BCAS3: variants seen among roughly 807,000 people sequenced by gnomAD.
The protein encoded by BCAS3 is BCAS3 microtubule associated cell migration factor, also known as BCAS4/BCAS3 fusion.
BCAS3 carries 53 observed loss-of-function variants against 116.1 expected under a neutral mutation model. The observed-to-expected ratio is 0.46, with a 90% confidence interval of 0.37 to 0.57. The LOEUF is 0.57. BCAS3 is among the 20% of genes least tolerant of loss of function. The pLI, the probability that BCAS3 is intolerant of heterozygous loss-of-function variation, is 0.00. For synonymous variants in BCAS3, 391 were observed against 408.2 expected (o/e 0.96, Z 0.51); for missense variants, 917 against 1,165.4 (o/e 0.79, Z 3.10).
At chr17:61,053,003 C>T (rs1449666299) in intron 19 of BCAS3, among the ~76,000 whole-genome samples, 1 of 152,056 alleles carries the variant, frequency 6.6e-6, no homozygotes, top group Non-Finnish European at 1.5e-5. Context: ...AGGAGTGAGC[C>T]ACCACGCCTG....
At chr17:60,802,767 G>A (rs1056924757) in intron 6 of BCAS3, among the ~76,000 whole-genome samples, 1 of 152,000 alleles carries the variant, frequency 6.6e-6, no homozygotes, top group Non-Finnish European at 1.5e-5. Flanking sequence ...TCAGCCTCCC[G>A]AGTGGCTGGA....
In BCAS3 at chr17:61,362,863, T is replaced by G. The variant is rs2143460551; in HGVS notation, c.2426-5464T>G. The G allele has an allele frequency of 6.6e-6, 1 of 152,326 alleles. No homozygotes were observed. Among genetic ancestry groups the G allele is most frequent in the East Asian group, 1.9e-4 (1 of 5,184 alleles). 9.4% of individuals were successfully genotyped at this position (152,326 alleles called of 1,614,324 possible). ...AATTGTGACATTGTTTTCTGCTCAC[T>G]TATCTTCTTCTTCCTTCCTCTCTTT... On this transcript the variant is annotated intron_variant, in intron 22 of 23. Transcript: ENST00000407086. This position sits in a 1 kb window ranked among gnomAD's most constrained non-coding sequence, Gnocchi z 4.4.
chr17:61,216,866 A>G (rs1480387734), intron 22 of BCAS3, among the ~76,000 whole-genome samples: 1 of 151,998 alleles, frequency 6.6e-6, no homozygotes, highest in Admixed American at 6.6e-5. Context: ...ATGTGACATG[A>G]GATGATTTTC....
Position 61,007,294 on chromosome 17 carries a change from C to CAAGG in BCAS3, c.1487-8457_1487-8456insAAGG. 6.6e-6 allele frequency among the ~76,000 whole-genome samples: 1 copy of CAAGG among 151,872 alleles called. No homozygotes were observed. Among genetic ancestry groups the CAAGG allele is most frequent in the East Asian group, 1.9e-4 (1 of 5,184 alleles). On this transcript the variant is annotated intron_variant, in intron 15 of 23. Coordinates refer to ENST00000407086, the MANE Select transcript of BCAS3 (RefSeq NM_017679.5). The surrounding 1 kb of genome is among the most constrained non-coding windows in gnomAD (Gnocchi z 4.3). Reference sequence around the variant, plus strand: ...GTTTTCAATATTCCTTGTTCTAGGCCCACCTTGTTACCTTTTGGAGTTGTG... The same window carrying CAAGG: ...GTTTTCAATATTCCTTGTTCTAGGCCAAGGCACCTTGTTACCTTTTGGAGTTGTG...
intron 23 of BCAS3, chr17:61,384,526 G>C (rs1037746103): frequency 6.6e-6 from 1 of 152,232 alleles, no homozygotes; most frequent in Admixed American, 6.5e-5. Context: ...CAGAACTGAG[G>C]CCAGAGTGAA....
chr17:60,805,793 C>T (rs1246019023), intron 6 of BCAS3, among the ~76,000 whole-genome samples: 2 of 150,834 alleles, frequency 1.3e-5, no homozygotes, highest in African/African-American at 2.4e-5. Flanking sequence ...TGCCATGGCA[C>T]TCCAGCCTGG....
intron 6 of BCAS3, among the ~76,000 whole-genome samples, chr17:60,785,778 A>C (rs1010381018): frequency 6.6e-6 from 1 of 152,228 alleles, no homozygotes; most frequent in African/African-American, 2.4e-5. Context: ...ATTTAACAGC[A>C]GTCAGCTCTC....
chr17:60,721,876 T>C (rs74719234), intron 5 of BCAS3, among the ~76,000 whole-genome samples: 5,264 of 152,246 alleles, frequency 0.035, 247 homozygotes, highest in African/African-American at 0.1. Context: ...CACCTCCAAG[T>C]AACCATTATT....
intron 5 of BCAS3, among the ~76,000 whole-genome samples, chr17:60,737,795 A>T (rs183025693): frequency 0.012 from 1,776 of 150,724 alleles, 36 homozygotes; most frequent in African/African-American, 0.037. Flanking sequence ...TATTATTATT[A>T]TTTTTTTTGA....
chr17:60,685,876 A>AT (rs879421285), intron 3 of BCAS3, among the ~76,000 whole-genome samples: 144 of 146,086 alleles, frequency 9.9e-4, no homozygotes, highest in South Asian at 2.2e-3. Context: ...TATATTAGAC[A>AT]TTTTTTTTTT....
chr17:61,120,004 TAAC>T (rs1371150763), intron 22 of BCAS3, among the ~76,000 whole-genome samples: 2 of 152,082 alleles, frequency 1.3e-5, no homozygotes, highest in East Asian at 3.8e-4. Flanking sequence ...TTACATGAAT[TAAC>T]AATATATCAT....
At chr17:61,254,733 C>T (rs981589035) in intron 22 of BCAS3, among the ~76,000 whole-genome samples, 25 of 138,734 alleles carry the variant, frequency 1.8e-4, no homozygotes, top group South Asian at 2.2e-4. Flanking sequence ...GCCGAGATTG[C>T]GCCACTGCAC....
chr17:60,954,012 G>T (rs2060990103), intron 14 of BCAS3, among the ~76,000 whole-genome samples: 1 of 152,178 alleles, frequency 6.6e-6, no homozygotes, highest in Admixed American at 6.5e-5. Flanking sequence ...GGGATTACAG[G>T]CGTGAGCCAC....
At chr17:61,247,663 A>G (rs944867117) in intron 22 of BCAS3, among the ~76,000 whole-genome samples, 1 of 152,186 alleles carries the variant, frequency 6.6e-6, no homozygotes, top group Admixed American at 6.5e-5. Flanking sequence ...TCTTGACTAC[A>G]GCAGATGTTT....
At position 61,347,213 on chromosome 17, in the gene BCAS3, C is replaced by G. The variant is rs1463377936; in HGVS notation, c.2426-21114C>G. On this transcript the variant is annotated intron_variant, in intron 22 of 23. Coordinates refer to ENST00000407086, the MANE Select transcript of BCAS3 (RefSeq NM_017679.5). This position sits in a 1 kb window ranked among gnomAD's most constrained non-coding sequence, Gnocchi z 4.3. Reference sequence around the variant, plus strand: ...CCTCCCGCCTCAGCCTCCCGAGTAGCTGGGATTACAGGCATGCACCACCAC... The same window carrying G: ...CCTCCCGCCTCAGCCTCCCGAGTAGGTGGGATTACAGGCATGCACCACCAC... Among the ~76,000 whole-genome samples the G allele has an allele frequency of 6.6e-6, 1 of 152,146 alleles. No individual in the cohort carries two copies. Among genetic ancestry groups the G allele is most frequent in the Non-Finnish European group, 1.5e-5 (1 of 68,024 alleles).
chr17:60,877,336 C>T (rs1169151173), intron 9 of BCAS3, among the ~76,000 whole-genome samples: 3 of 152,078 alleles, frequency 2.0e-5, no homozygotes, highest in Non-Finnish European at 4.4e-5. Flanking sequence ...GTATCTCTCT[C>T]GTATCTGCAG....
chr17:60,829,041 C>T (rs1006924350), intron 7 of BCAS3, among the ~76,000 whole-genome samples: 7 of 152,092 alleles, frequency 4.6e-5, no homozygotes, highest in African/African-American at 1.7e-4. Flanking sequence ...CTCATAATAT[C>T]GATAGGGTCA....
intron 22 of BCAS3, among the ~76,000 whole-genome samples, chr17:61,301,750 A>G (rs138717402): frequency 0.011 from 1,633 of 152,358 alleles, 38 homozygotes; most frequent in African/African-American, 0.037. Flanking sequence ...TAACAAAAAC[A>G]TAGGAGTGAT....
In BCAS3 at chr17:61,136,493, TAGC is replaced by T. The variant is rs1443256617; in HGVS notation, c.2425+51934_2425+51936del. On this transcript the variant is annotated intron_variant, in intron 22 of 23. Coordinates refer to ENST00000407086, the MANE Select transcript of BCAS3 (RefSeq NM_017679.5). This position sits in a 1 kb window ranked among gnomAD's most constrained non-coding sequence, Gnocchi z 4.4. The stretch of plus-strand genomic sequence containing the variant: ...GAACCCCTGGCCTCTACCCGTTAGA[TAGC>T]AGCACGCCCCCTTCCCTCAGATGCC... 2.0e-5 allele frequency among the ~76,000 whole-genome samples: 3 copies of T among 152,208 alleles called. No individual in the cohort carries two copies. The highest frequency in any genetic ancestry group is 1.3e-4 in the Admixed American group (2 of 15,282).
Sources: gnomAD v4.1 joint callset for allele counts (sites outside exome capture counted in the v4.1 genomes callset) on GRCh38, gnomAD v4.1.1 for gene constraint, Gnocchi (gnomAD v3.1) non-coding constraint, MANE v1.5 for transcripts, NCBI Gene and HGNC (gene_info 2026-07-23, HGNC 2026-07-21) for gene names.